Variants in CACNA1C observed in about 807,000 individuals in gnomAD.
The protein encoded by CACNA1C is voltage-dependent L-type calcium channel subunit alpha-1C.
Under a neutral mutation model 229.0 loss-of-function variants are expected in CACNA1C, and 30 were observed. The observed-to-expected ratio is 0.13, with a 90% CI of 0.10 to 0.18. The LOEUF is 0.18. Among genes scored for constraint, CACNA1C ranks in the 10% least tolerant of loss-of-function variants. CACNA1C has a pLI of 1.00. For synonymous variants in CACNA1C, 1,114 were observed against 1,132.5 expected (o/e 0.98, Z 0.33); for missense variants, 1,658 against 2,845.0 (o/e 0.58, Z 9.49).
rs2074751085 is a variant in CACNA1C, at chr12:2,605,259, T to C, written c.3048+91T>C. 2 of 879,262 alleles carry C rather than the reference T, an allele frequency of 2.3e-6. No homozygotes were observed. Among genetic ancestry groups the C allele is most frequent in the East Asian group, 2.5e-5 (1 of 39,774 alleles). 54.5% of individuals were successfully genotyped at this position (879,262 alleles called of 1,614,324 possible). On this transcript the variant is annotated intron_variant, in intron 23 of 46. Coordinates refer to ENST00000399655, the MANE Select transcript of CACNA1C (RefSeq NM_000719.7). The surrounding 1 kb of genome is among the most constrained non-coding windows in gnomAD (Gnocchi z 6.2). ...TGAGGGGTGGGTTGGAAGGAGATGA[T>C]GGTCAGACCAAGTGGCTGCCATGTG...
chr12:2,149,191 G>A (rs1448877333), intron 3 of CACNA1C, among the ~76,000 whole-genome samples: 2 of 152,178 alleles, frequency 1.3e-5, no homozygotes, highest in Non-Finnish European at 2.9e-5. Flanking sequence ...AGAAAGGGCA[G>A]CTATGACCTA....
At chr12:2,208,665 A>C (rs1047606076) in intron 3 of CACNA1C, among the ~76,000 whole-genome samples, 1 of 152,300 alleles carries the variant, frequency 6.6e-6, no homozygotes, top group Non-Finnish European at 1.5e-5. Flanking sequence ...TTTACTGTTT[A>C]ATGACCAGTA....
In CACNA1C at chr12:2,595,191, C is replaced by G. The variant is rs920419284; in HGVS notation, c.2664-683C>G. 5.9e-5 allele frequency among the ~76,000 whole-genome samples: 9 copies of G among 152,114 alleles called. No individual in the cohort carries two copies. Among genetic ancestry groups the G allele is most frequent in the African/African-American group, 2.2e-4 (9 of 41,416 alleles). On this transcript the variant is annotated intron_variant, in intron 19 of 46. Transcript: ENST00000399655. The surrounding 1 kb of genome is among the most constrained non-coding windows in gnomAD (Gnocchi z 4.1). ...GAAGTCTGAAGGCCTGGGTTGAAGC[C>G]CTGACTCTCCCACACTAAGGCTGTG...
chr12:2,334,389 G>A (rs781232882), intron 3 of CACNA1C, among the ~76,000 whole-genome samples: 4 of 152,192 alleles, frequency 2.6e-5, no homozygotes, highest in Non-Finnish European at 5.9e-5. Context: ...GGCTCAAAAG[G>A]ACAGGAGCGC....
chr12:2,526,066 G>A (rs914711186), intron 9 of CACNA1C, among the ~76,000 whole-genome samples: 2 of 152,196 alleles, frequency 1.3e-5, no homozygotes, highest in Non-Finnish European at 2.9e-5. Flanking sequence ...GAGAAGAGGG[G>A]CAGCTGGGGA....
In CACNA1C at chr12:2,651,803, C is replaced by T. The variant is rs2095012824; in HGVS notation, c.4074+35C>T. ...CCTCATGTCCTGCGGCCCGGGGAATCGCAGGGCTGCCGCGTGGCCCAGAAC... is the reference window on the plus strand; with the variant it reads ...CCTCATGTCCTGCGGCCCGGGGAATTGCAGGGCTGCCGCGTGGCCCAGAAC... On this transcript the variant is annotated intron_variant, in intron 32 of 46. Coordinates refer to ENST00000399655, the MANE Select transcript of CACNA1C (RefSeq NM_000719.7). This position sits in a 1 kb window ranked among gnomAD's most constrained non-coding sequence, Gnocchi z 5.4. The T allele has an allele frequency of 1.9e-6, 3 of 1,548,556 alleles. No homozygotes were observed. The highest frequency in any genetic ancestry group is 1.2e-5 in the South Asian group (1 of 82,754).
intron 3 of CACNA1C, among the ~76,000 whole-genome samples, chr12:2,338,087 A>C (rs1447657791): frequency 6.6e-6 from 1 of 150,616 alleles, no homozygotes; most frequent in Non-Finnish European, 1.5e-5. Context: ...CCCCCTCACT[A>C]CCCCCAGCAT....
chr12:2,236,962 C>G (rs756474530), intron 3 of CACNA1C, among the ~76,000 whole-genome samples: 1 of 152,190 alleles, frequency 6.6e-6, no homozygotes, highest in African/African-American at 2.4e-5. Context: ...AAACTTCCAC[C>G]ACCATGAGAT....
chr12:2,312,405 G>A (rs2095486113), intron 3 of CACNA1C, among the ~76,000 whole-genome samples: 1 of 152,096 alleles, frequency 6.6e-6, no homozygotes, highest in Admixed American at 6.5e-5. Flanking sequence ...CTCTTTATAT[G>A]AAGCAAGGCA....
intron 9 of CACNA1C, among the ~76,000 whole-genome samples, chr12:2,530,618 A>G (rs2099838631): frequency 6.6e-6 from 1 of 152,216 alleles, no homozygotes; most frequent in East Asian, 1.9e-4. Context: ...AATCTCTGGC[A>G]GGGCCTTGGC....
rs2059793243 is a variant in CACNA1C, at chr12:2,215,685, ACC to A, written c.477+95256_477+95257del. On this transcript the variant is annotated intron_variant, in intron 3 of 46. Transcript: ENST00000399655. This position sits in a 1 kb window ranked among gnomAD's most constrained non-coding sequence, Gnocchi z 5.0. ...CAGGGTAGGCCTGGCAGAGGGAAGGACCATGTTCTCTCCCAAACAGGCCAGTC... is the reference window on the plus strand; with the variant it reads ...CAGGGTAGGCCTGGCAGAGGGAAGGAATGTTCTCTCCCAAACAGGCCAGTC... 6.6e-6 allele frequency among the ~76,000 whole-genome samples: 1 copy of A among 152,262 alleles called. No homozygotes were observed. Among genetic ancestry groups the A allele is most frequent in the East Asian group, 1.9e-4 (1 of 5,172 alleles).
chr12:2,641,652 A>G, intron 30 of CACNA1C: 1 of 697,372 alleles, frequency 1.4e-6, no homozygotes, highest in Admixed American at 2.0e-5. Context: ...CAGCACAGTC[A>G]TTCATGCTGG....
chr12:2,615,811 G>A (rs955670867), intron 29 of CACNA1C, among the ~76,000 whole-genome samples: 5 of 152,214 alleles, frequency 3.3e-5, no homozygotes, highest in African/African-American at 1.2e-4. Context: ...GGATGTCTCA[G>A]CAAGGGTACT....
chr12:2,250,373 C>T (rs1403023875), intron 3 of CACNA1C, among the ~76,000 whole-genome samples: 3 of 152,238 alleles, frequency 2.0e-5, no homozygotes, highest in African/African-American at 4.8e-5. Flanking sequence ...AGCACCGAAT[C>T]CTGAAGGGCA....
chr12:2,340,783 C>T (rs1302437406), intron 3 of CACNA1C, among the ~76,000 whole-genome samples: 1 of 151,058 alleles, frequency 6.6e-6, no homozygotes, highest in Non-Finnish European at 1.5e-5. Context: ...CGGTGAAACC[C>T]CATCTCTCTA....
intron 3 of CACNA1C, among the ~76,000 whole-genome samples, chr12:2,248,764 G>A (rs562536529): frequency 1.1e-3 from 167 of 152,380 alleles, no homozygotes; most frequent in Non-Finnish European, 2.0e-3. Context: ...TCACGGTGTG[G>A]AGGGGCAATG....
intron 3 of CACNA1C, among the ~76,000 whole-genome samples, chr12:2,342,631 T>C (rs1405418347): frequency 6.6e-6 from 1 of 152,254 alleles, no homozygotes; most frequent in Non-Finnish European, 1.5e-5. Flanking sequence ...TAGATTCGCC[T>C]GGATGAAACA....
intron 3 of CACNA1C, among the ~76,000 whole-genome samples, chr12:2,334,295 A>G (rs2096630278): frequency 1.3e-5 from 2 of 152,220 alleles, no homozygotes; most frequent in Non-Finnish European, 2.9e-5. Context: ...ATTTACCAGC[A>G]TATGCCAGTC....
intron 3 of CACNA1C, among the ~76,000 whole-genome samples, chr12:2,308,793 AACCCCAC>A (rs1382763689): frequency 3.3e-5 from 5 of 152,212 alleles, no homozygotes; most frequent in Admixed American, 6.5e-5. Flanking sequence ...TGCAAATCAA[AACCCCAC>A]ACCTGTCAGA....
Sources: allele counts gnomAD v4.1 joint callset (sites outside exome capture counted in the v4.1 genomes callset), GRCh38; gene constraint gnomAD v4.1.1; non-coding constraint Gnocchi (gnomAD v3.1); transcripts MANE v1.5; gene names NCBI Gene and HGNC (gene_info 2026-07-23, HGNC 2026-07-21).